ANXA6: variants seen among roughly 807,000 people sequenced by gnomAD.
ANXA6 encodes annexin A6.
ANXA6 carries 71 observed loss-of-function variants against 95.4 expected under a neutral mutation model. That is an observed-to-expected ratio of 0.74 (90% CI 0.61 to 0.91). The LOEUF is 0.91. Ranked by LOEUF, ANXA6 falls within the 40% of genes least tolerant of loss-of-function variation. ANXA6 has a pLI of 0.00. For synonymous variants in ANXA6, 289 were observed against 315.9 expected (o/e 0.91, Z 0.90); for missense variants, 830 against 876.4 (o/e 0.95, Z 0.67).
chr5:151,139,574 C>A, intron 3 of ANXA6, 127 bp from the exon 4 acceptor site: 1 of 699,334 alleles, frequency 1.4e-6, no homozygotes. Flanking sequence ...TTCCACTCAT[C>A]AGGTGCTGGT....
intron 24 of ANXA6, 43 bp downstream of exon 24, chr5:151,105,202 A>T: frequency 6.4e-7 from 1 of 1,565,824 alleles, no homozygotes; most frequent in Non-Finnish European, 8.8e-7. Flanking sequence ...TGTGTATGTA[A>T]GTCAGTGCTT....
chr5:151,126,368 C>G, intron 14 of ANXA6, 34 bp downstream of exon 14: 2 of 1,571,390 alleles, frequency 1.3e-6, no homozygotes, highest in Non-Finnish European at 1.7e-6. Flanking sequence ...AAGCTGTGGT[C>G]AAGAGGTCAA....
intron 25 of ANXA6, among the ~76,000 whole-genome samples, chr5:151,103,259 C>T (rs866805337): frequency 1.3e-5 from 2 of 152,126 alleles, no homozygotes; most frequent in Non-Finnish European, 2.9e-5. Flanking sequence ...GGCCTTCCAA[C>T]GTGCTGTGAT....
At chr5:151,153,744 C>T (rs930610179) in intron 1 of ANXA6, among the ~76,000 whole-genome samples, 2 of 152,168 alleles carry the variant, frequency 1.3e-5, no homozygotes, top group African/African-American at 2.4e-5. Context: ...ATTGATTTCC[C>T]ACCCCCTCAG....
At chr5:151,107,431 C>T (rs937034034) in intron 23 of ANXA6, among the ~76,000 whole-genome samples, 4 of 152,280 alleles carry the variant, frequency 2.6e-5, no homozygotes, top group Non-Finnish European at 5.9e-5. Flanking sequence ...TTTTATTCGT[C>T]GGGCTATCCC....
intron 7 of ANXA6, among the ~76,000 whole-genome samples, chr5:151,135,576 C>T (rs1054260798): frequency 2.0e-5 from 3 of 152,178 alleles, no homozygotes; most frequent in African/African-American, 4.8e-5. Flanking sequence ...CTGTTCCCAT[C>T]GTGCCTGTGG....
chr5:151,135,155 C>T (rs1194523245), intron 7 of ANXA6, among the ~76,000 whole-genome samples: 1 of 152,204 alleles, frequency 6.6e-6, no homozygotes, highest in Non-Finnish European at 1.5e-5. Context: ...CTATGGCCAT[C>T]CCCTCTTCCC....
At chr5:151,147,786 A>G in intron 2 of ANXA6, 98 bp downstream of exon 2, 1 of 1,343,596 alleles carries the variant, frequency 7.4e-7, no homozygotes, top group Non-Finnish European at 1.0e-6. Flanking sequence ...TTTCAAGCTG[A>G]AGGTACCAGG....
intron 13 of ANXA6, 90 bp from the exon 14 acceptor site, chr5:151,126,570 A>ACACC (rs1491006188): frequency 3.2e-6 from 3 of 924,078 alleles, no homozygotes; most frequent in Middle Eastern, 2.6e-4. Context: ...ACACACACAC[A>ACACC]CCCCAACACA....
chr5:151,143,935 G>A (rs373054125), intron 2 of ANXA6, among the ~76,000 whole-genome samples: 20 of 152,284 alleles, frequency 1.3e-4, no homozygotes, highest in African/African-American at 4.3e-4. Context: ...TCACACAGAG[G>A]AGACACATGA....
At chr5:151,123,789 G>A (rs926543107) in intron 15 of ANXA6, among the ~76,000 whole-genome samples, 2 of 152,226 alleles carry the variant, frequency 1.3e-5, no homozygotes. Flanking sequence ...CAGCTGATCT[G>A]AACCTGTGGG....
At chr5:151,113,353 A>G (rs939282930) in intron 20 of ANXA6, among the ~76,000 whole-genome samples, 1 of 152,140 alleles carries the variant, frequency 6.6e-6, no homozygotes, top group African/African-American at 2.4e-5. Context: ...AGTGAGCCAA[A>G]TTGCAACACT....
rs1765740421 is a variant in ANXA6 at position 151,138,753 on chromosome 5, C to G, written c.243G>C (p.Lys81Asn). The change falls in exon 5 of 26, where the codon AAG becomes AAC. Residue 81 changes from lysine (K) to asparagine (N), a missense_variant. Transcript: ENST00000354546. Reference sequence around the variant, plus strand: ...TCAGGCCCACAATCAACCGTTCAAACTTGCCCGTCAATTCATACTTTAAAT... The same window carrying G: ...TCAGGCCCACAATCAACCGTTCAAAGTTGCCCGTCAATTCATACTTTAAAT... ...IADLKYELTG[K>N]FERLIVGLMR... is the part of the protein sequence containing the mutation. 5.0e-6 allele frequency: 8 copies of G among 1,613,868 alleles called. No individual in the cohort carries two copies. The highest frequency in any genetic ancestry group is 6.8e-6 in the Non-Finnish European group (8 of 1,179,886).
At chr5:151,148,713 G>A (rs1413388627) in intron 1 of ANXA6, among the ~76,000 whole-genome samples, 1 of 152,224 alleles carries the variant, frequency 6.6e-6, no homozygotes, top group East Asian at 1.9e-4. Flanking sequence ...GTGACAAGGG[G>A]TGTAGTCCCA....
At chr5:151,139,892 A>G (rs1456058244) in intron 3 of ANXA6, among the ~76,000 whole-genome samples, 1 of 152,224 alleles carries the variant, frequency 6.6e-6, no homozygotes, top group African/African-American at 2.4e-5. Flanking sequence ...GGGATCTACC[A>G]AGGAAACTTC....
Position 151,101,470 on chromosome 5 carries a change from G to GC in ANXA6, c.1999dup (p.Ala667GlyfsTer6). On this transcript the variant is annotated frameshift_variant, in exon 26 of 26. Coordinates refer to ENST00000354546, the MANE Select transcript of ANXA6 (RefSeq NM_001155.5). LOFTEE classifies it high-confidence loss of function. Reference sequence around the variant, plus strand: ...GCCCTAGTCCTCACCACCACAGAGAGCCAGCAAGGCCTTCAGGAAGTCTCC... The same window carrying GC: ...GCCCTAGTCCTCACCACCACAGAGAGCCCAGCAAGGCCTTCAGGAAGTCTCC... 2 of 1,560,848 alleles carry GC rather than the reference G, an allele frequency of 1.3e-6. No homozygotes were observed. The highest frequency in any genetic ancestry group is 1.7e-6 in the Non-Finnish European group (2 of 1,152,422).
intron 13 of ANXA6, among the ~76,000 whole-genome samples, chr5:151,126,923 G>A (rs1324142786): frequency 2.0e-5 from 3 of 152,164 alleles, no homozygotes; most frequent in African/African-American, 7.2e-5. Context: ...CGCCATGTTG[G>A]CCAGGCTGGT....
intron 2 of ANXA6, chr5:151,140,577 A>T (rs1765802597): frequency 2.8e-5 from 4 of 142,794 alleles, no homozygotes; most frequent in Non-Finnish European, 4.4e-5. Flanking sequence ...GCAAGAGTCA[A>T]ATATATATAT....
chr5:151,136,408 C>T (rs541612081), intron 6 of ANXA6, 73 bp from the exon 7 acceptor site: 34 of 1,399,600 alleles, frequency 2.4e-5, no homozygotes, highest in Admixed American at 1.2e-4. Context: ...GCCCTGCTGC[C>T]CCCAAAATGA....
Sources: allele counts gnomAD v4.1 joint callset (sites outside exome capture counted in the v4.1 genomes callset), GRCh38; gene constraint gnomAD v4.1.1; transcripts MANE v1.5; gene names NCBI Gene and HGNC (gene_info 2026-07-23, HGNC 2026-07-21).